The following PIGL variants were observed in gnomAD, a reference collection of about 807,000 sequenced individuals.
PIGL encodes N-acetylglucosaminyl-phosphatidylinositol de-N-acetylase.
Under a neutral mutation model 31.1 loss-of-function variants are expected in PIGL, and 22 were observed. The observed-to-expected ratio is 0.71, with a 90% confidence interval of 0.51 to 1.01. The LOEUF (loss-of-function observed/expected upper bound fraction) is 1.01, where lower values mean the gene tolerates loss of function less well. Among genes scored for constraint, PIGL ranks in the 50% least tolerant of loss-of-function variants. The pLI is 0.00. For missense variants in PIGL, 302 were observed against 315.9 expected (o/e 0.96, Z 0.33); for synonymous variants, 131 against 117.4 (o/e 1.12, Z -0.75).
At chr17:16,307,432 T>C (rs2093030684) in intron 3 of PIGL, among the ~76,000 whole-genome samples, 1 of 152,240 alleles carries the variant, frequency 6.6e-6, no homozygotes, top group African/African-American at 2.4e-5. Context: ...GCCTGTGCTG[T>C]GCACGCTGGG....
Position 16,299,940 on chromosome 17 carries a change from GTCC to G in PIGL, c.393_395del (p.Leu132del). ...GTGGGACACAGAGCACGTGGCCAGA[GTCC>G]TCCTTCAGCACATAGAAGTGAATGG... is the stretch of plus-strand genomic sequence containing the variant. On this transcript the variant is annotated inframe_deletion, in exon 3 of 7. Transcript: ENST00000225609. The G allele has an allele frequency of 6.2e-7, 1 of 1,614,148 alleles. No individual in the cohort carries two copies. The highest frequency in any genetic ancestry group is 8.5e-7 in the Non-Finnish European group (1 of 1,179,976).
At chr17:16,271,639 C>T (rs1408156963) in intron 2 of PIGL, among the ~76,000 whole-genome samples, 1 of 151,706 alleles carries the variant, frequency 6.6e-6, no homozygotes, top group African/African-American at 2.4e-5. Context: ...TCAAGCAATT[C>T]TTCTGCCTCA....
intron 2 of PIGL, among the ~76,000 whole-genome samples, chr17:16,272,833 C>T (rs1170821893): frequency 6.6e-6 from 1 of 152,112 alleles, no homozygotes; most frequent in Non-Finnish European, 1.5e-5. Flanking sequence ...TTGGGTCGGT[C>T]ACCTTCAGCC....
Position 16,326,216 on chromosome 17 carries a change from C to T in PIGL, c.*318C>T. ...ACCTAGCCCAGTGCCTGGGCAGGTC[C>T]CTATTATCATAAATGAACATAAAAG... On this transcript the variant is annotated 3_prime_UTR_variant, in exon 7 of 7. Transcript: ENST00000225609. 1 of 292,848 alleles carries T rather than the reference C, an allele frequency of 3.4e-6. No individual in the cohort carries two copies. The highest frequency in any genetic ancestry group is 6.4e-6 in the Non-Finnish European group (1 of 157,370). 18.1% of individuals were successfully genotyped at this position (292,848 alleles called of 1,614,324 possible).
At chr17:16,324,386 AG>A (rs1224617157) in intron 6 of PIGL, 1 of 151,960 alleles carries the variant, frequency 6.6e-6, no homozygotes, top group Non-Finnish European at 1.5e-5. Context: ...GCTGGAGTGC[AG>A]TGGCGATCTC....
At chr17:16,300,098 C>G in intron 3 of PIGL, 120 bp downstream of exon 3, 1 of 708,800 alleles carries the variant, frequency 1.4e-6, no homozygotes, top group Non-Finnish European at 2.5e-6. Context: ...GGGCCACTCT[C>G]TAAGGAGGCC....
At chr17:16,301,118 A>G (rs2093002566) in intron 3 of PIGL, among the ~76,000 whole-genome samples, 1 of 152,136 alleles carries the variant, frequency 6.6e-6, no homozygotes. Context: ...TCCTGCTGGC[A>G]GAGAAACATA....
chr17:16,324,587 G>A (rs1224810961), intron 6 of PIGL, among the ~76,000 whole-genome samples: 4 of 152,094 alleles, frequency 2.6e-5, no homozygotes, highest in Non-Finnish European at 5.9e-5. Context: ...TCGAACTCCC[G>A]ACTTCAGGTG....
chr17:16,241,275 T>C (rs182702003), intron 2 of PIGL, among the ~76,000 whole-genome samples: 67 of 151,822 alleles, frequency 4.4e-4, no homozygotes, highest in African/African-American at 1.5e-3. Flanking sequence ...TAGGCATCTT[T>C]AGCATATGGG....
At chr17:16,269,595 G>A (rs1375214853) in intron 2 of PIGL, among the ~76,000 whole-genome samples, 1 of 150,200 alleles carries the variant, frequency 6.7e-6, no homozygotes, top group Non-Finnish European at 1.5e-5. Context: ...GGGTTGCAGT[G>A]AGCCTAGATC....
chr17:16,297,000 G>A (rs1167980574), intron 2 of PIGL, among the ~76,000 whole-genome samples: 2 of 152,258 alleles, frequency 1.3e-5, no homozygotes, highest in African/African-American at 2.4e-5. Context: ...GATTACAGGC[G>A]TGAGCCACCG....
intron 2 of PIGL, among the ~76,000 whole-genome samples, chr17:16,272,897 G>A (rs2092878540): frequency 6.6e-6 from 1 of 152,134 alleles, no homozygotes; most frequent in Admixed American, 6.5e-5. Flanking sequence ...TGCACACTCT[G>A]TAGTTGTGAT....
At chr17:16,283,273 G>C (rs1315869385) in intron 2 of PIGL, among the ~76,000 whole-genome samples, 1 of 152,072 alleles carries the variant, frequency 6.6e-6, no homozygotes, top group Non-Finnish European at 1.5e-5. Context: ...AAAGTGCTGG[G>C]ATTACAGGCG....
intron 2 of PIGL, among the ~76,000 whole-genome samples, chr17:16,236,198 G>A (rs770572851): frequency 6.6e-6 from 1 of 152,020 alleles, no homozygotes; most frequent in Non-Finnish European, 1.5e-5. Flanking sequence ...GAGTTGATAC[G>A]CCGTACACCT....
chr17:16,297,435 T>A (rs2092987138), intron 2 of PIGL, among the ~76,000 whole-genome samples: 1 of 152,254 alleles, frequency 6.6e-6, no homozygotes, highest in Non-Finnish European at 1.5e-5. Context: ...CTTAGCCTAC[T>A]ATCCTCCTAT....
At chr17:16,238,238 G>A (rs1420170446) in intron 2 of PIGL, among the ~76,000 whole-genome samples, 1 of 150,374 alleles carries the variant, frequency 6.7e-6, no homozygotes, top group Admixed American at 6.7e-5. Flanking sequence ...ATGAAAGAAG[G>A]GGCTGGTATT....
intron 2 of PIGL, among the ~76,000 whole-genome samples, chr17:16,259,381 A>G (rs143070568): frequency 1.3e-5 from 2 of 152,030 alleles, no homozygotes; most frequent in East Asian, 3.9e-4. Context: ...TACTCTTTTC[A>G]ACAAATGGTG....
intron 2 of PIGL, among the ~76,000 whole-genome samples, chr17:16,242,149 G>T (rs1054283344): frequency 1.3e-5 from 2 of 151,982 alleles, no homozygotes. Flanking sequence ...TAACTTCTGG[G>T]CTCAAGCAAT....
At chr17:16,286,720 C>G (rs2092939518) in intron 2 of PIGL, among the ~76,000 whole-genome samples, 1 of 152,120 alleles carries the variant, frequency 6.6e-6, no homozygotes, top group African/African-American at 2.4e-5. Context: ...AAAAGACTGG[C>G]AAGAGTTGGC....
Sources: allele counts gnomAD v4.1 joint callset (sites outside exome capture counted in the v4.1 genomes callset), GRCh38; gene constraint gnomAD v4.1.1; transcripts MANE v1.5; gene names NCBI Gene and HGNC (gene_info 2026-07-23, HGNC 2026-07-21).